PXDNL: variants seen among roughly 807,000 people sequenced by gnomAD.
PXDNL encodes peroxidasin like.
A neutral mutation model predicts 150.8 loss-of-function variants in PXDNL; 145 were observed. That is an observed-to-expected ratio of 0.96 (90% CI 0.84 to 1.10). The LOEUF is 1.10. Ranked by LOEUF, PXDNL falls within the 50% of genes least tolerant of loss-of-function variation. The pLI is 0.00. For synonymous variants in PXDNL, 757 were observed against 725.7 expected (o/e 1.04, Z -0.69); for missense variants, 2,087 against 1,873.9 (o/e 1.11, Z -2.10).
chr8:51,361,093 G>A (rs191999117), intron 19 of PXDNL, among the ~76,000 whole-genome samples: 1 of 152,330 alleles, frequency 6.6e-6, no homozygotes, highest in East Asian at 1.9e-4. Context: ...CTTTCTCACA[G>A]CAACTGGGGA....
intron 12 of PXDNL, among the ~76,000 whole-genome samples, chr8:51,441,411 G>A (rs141076481): frequency 1.1e-3 from 175 of 152,264 alleles, no homozygotes; most frequent in African/African-American, 3.5e-3. Flanking sequence ...ACACAGAAGC[G>A]GAGACTAGCA....
At chr8:51,343,797 G>C (rs1173520525) in intron 20 of PXDNL, among the ~76,000 whole-genome samples, 1 of 152,062 alleles carries the variant, frequency 6.6e-6, no homozygotes, top group Non-Finnish European at 1.5e-5. Context: ...ATGACACACT[G>C]GTAAAACGCT....
chr8:51,452,052 TG>T (rs1809819616), intron 10 of PXDNL, among the ~76,000 whole-genome samples: 1 of 152,108 alleles, frequency 6.6e-6, no homozygotes. Context: ...TGTTAAGCAA[TG>T]ACTGACGCAG....
At chr8:51,459,120 A>T (rs1810006566) in intron 8 of PXDNL, among the ~76,000 whole-genome samples, 1 of 152,208 alleles carries the variant, frequency 6.6e-6, no homozygotes, top group Admixed American at 6.5e-5. Flanking sequence ...GTAGCATGAA[A>T]CGAACATCAG....
chr8:51,329,030 G>A (rs968458230), intron 21 of PXDNL, among the ~76,000 whole-genome samples: 1 of 152,136 alleles, frequency 6.6e-6, no homozygotes, highest in African/African-American at 2.4e-5. Flanking sequence ...AAAAACCAGG[G>A]GTCAGCCCTT....
intron 2 of PXDNL, among the ~76,000 whole-genome samples, chr8:51,632,132 T>C (rs1270317431): frequency 1.3e-5 from 2 of 151,778 alleles, no homozygotes; most frequent in Non-Finnish European, 2.9e-5. Flanking sequence ...GGGCCCCAAA[T>C]TATATGAAGA....
At chr8:51,499,296 C>CT (rs1811128774) in intron 5 of PXDNL, among the ~76,000 whole-genome samples, 1 of 152,042 alleles carries the variant, frequency 6.6e-6, no homozygotes, top group African/African-American at 2.4e-5. Flanking sequence ...GGTCCAGCTA[C>CT]TTTTTTGTAT....
At chr8:51,371,451 C>T (rs775428175) in intron 19 of PXDNL, among the ~76,000 whole-genome samples, 1 of 152,208 alleles carries the variant, frequency 6.6e-6, no homozygotes, top group Admixed American at 6.5e-5. Context: ...CCTTGTACTT[C>T]CAATGAGCAC....
intron 1 of PXDNL, among the ~76,000 whole-genome samples, chr8:51,658,344 GAAAAAA>G (rs34771782): frequency 1.1e-5 from 1 of 94,232 alleles, no homozygotes. Context: ...CCTGTCTCAA[GAAAAAA>G]AAAAAAAAAA....
intron 1 of PXDNL, among the ~76,000 whole-genome samples, chr8:51,745,977 T>G (rs2036980348): frequency 6.6e-6 from 1 of 152,166 alleles, no homozygotes; most frequent in Non-Finnish European, 1.5e-5. Flanking sequence ...CAGGCTGGTC[T>G]TGAATTCCTG....
At chr8:51,661,974 G>A (rs1316355639) in intron 1 of PXDNL, among the ~76,000 whole-genome samples, 2 of 151,090 alleles carry the variant, frequency 1.3e-5, no homozygotes, top group African/African-American at 4.9e-5. Context: ...CTTTGTAAAA[G>A]TTCTTCTATC....
At chr8:51,513,562 T>C (rs1811470444) in intron 4 of PXDNL, among the ~76,000 whole-genome samples, 1 of 152,208 alleles carries the variant, frequency 6.6e-6, no homozygotes, top group Non-Finnish European at 1.5e-5. Context: ...AATGAAGCTA[T>C]AATGAAAGTT....
intron 3 of PXDNL, among the ~76,000 whole-genome samples, chr8:51,568,438 T>C (rs1187245694): frequency 6.6e-6 from 1 of 151,908 alleles, no homozygotes; most frequent in African/African-American, 2.4e-5. Flanking sequence ...CTTCATGCTC[T>C]TTTTGCTTAC....
intron 17 of PXDNL, among the ~76,000 whole-genome samples, chr8:51,396,652 G>C (rs1808092141): frequency 6.6e-6 from 1 of 152,208 alleles, no homozygotes; most frequent in Admixed American, 6.5e-5. Context: ...AGATACTCGG[G>C]AGGCTGAGGG....
chr8:51,495,754 C>G (rs911715637), intron 5 of PXDNL, among the ~76,000 whole-genome samples: 1 of 152,128 alleles, frequency 6.6e-6, no homozygotes, highest in Non-Finnish European at 1.5e-5. Context: ...TCTGAATAGA[C>G]CAATAACAGG....
chr8:51,630,339 A>G (rs1466858014), intron 2 of PXDNL, among the ~76,000 whole-genome samples: 10 of 152,216 alleles, frequency 6.6e-5, no homozygotes, highest in Admixed American at 6.5e-4. Flanking sequence ...ACCTTGTAAG[A>G]TAACCTAGAA....
At chr8:51,582,110 G>T (rs576714776) in intron 3 of PXDNL, among the ~76,000 whole-genome samples, 2 of 152,228 alleles carry the variant, frequency 1.3e-5, no homozygotes, top group South Asian at 4.1e-4. Context: ...AAATTCATAT[G>T]TTGAAGCTCT....
chr8:51,549,053 A>G (rs1337463881), intron 4 of PXDNL, among the ~76,000 whole-genome samples: 1 of 152,196 alleles, frequency 6.6e-6, no homozygotes, highest in Non-Finnish European at 1.5e-5. Context: ...AAAACACACT[A>G]TAAAGCAATA....
chr8:51,734,414 A>G (rs1039251708), intron 1 of PXDNL, among the ~76,000 whole-genome samples: 8 of 152,222 alleles, frequency 5.3e-5, no homozygotes, highest in Non-Finnish European at 5.9e-5. Flanking sequence ...TGACCTTTCA[A>G]AATGGTGGAA....
Sources: gnomAD v4.1 joint callset for allele counts (sites outside exome capture counted in the v4.1 genomes callset) on GRCh38, gnomAD v4.1.1 for gene constraint, MANE v1.5 for transcripts, NCBI Gene and HGNC (gene_info 2026-07-23, HGNC 2026-07-21) for gene names.